The following CSMD1 variants were observed in gnomAD, a reference collection of about 807,000 sequenced individuals.
The protein encoded by CSMD1 is CUB and Sushi multiple domains 1, also known as CUB and sushi domain-containing protein 1.
In CSMD1, 213 loss-of-function variants were observed where a neutral mutation model predicts 417.5. The observed-to-expected ratio is 0.51, with a 90% CI of 0.46 to 0.57. The LOEUF (loss-of-function observed/expected upper bound fraction) is 0.57, where lower values mean the gene tolerates loss of function less well. Ranked by LOEUF, CSMD1 falls within the 20% of genes least tolerant of loss-of-function variation. The probability of loss-of-function intolerance (pLI) is 0.00; values close to 1 mark genes in which losing one functional copy is unlikely to be tolerated. For missense variants in CSMD1, 6,923 were observed against 4,529.7 expected, an observed-to-expected ratio of 1.53 and a Z score of -15.17; for synonymous variants, 2,862 against 1,736.8, an observed-to-expected ratio of 1.65 and a Z score of -16.11.
At chr8:3,508,012 T>C (rs569594661) in intron 10 of CSMD1, among the ~76,000 whole-genome samples, 1 of 152,336 alleles carries the variant, frequency 6.6e-6, no homozygotes, top group African/African-American at 2.4e-5. Flanking sequence ...TTGAGTTTTA[T>C]TAGATCCCAT....
At chr8:3,121,270 A>AT (rs943111250) in intron 41 of CSMD1, among the ~76,000 whole-genome samples, 89 of 152,304 alleles carry the variant, frequency 5.8e-4, no homozygotes, top group African/African-American at 2.1e-3. Flanking sequence ...GTTAAAAAAA[A>AT]TCCTTTATTT....
intron 1 of CSMD1, among the ~76,000 whole-genome samples, chr8:4,842,282 T>C (rs1042033370): frequency 3.9e-5 from 6 of 152,238 alleles, no homozygotes; most frequent in African/African-American, 1.2e-4. Context: ...TCCAGATGCA[T>C]TGAATTTTGG....
intron 3 of CSMD1, among the ~76,000 whole-genome samples, chr8:4,063,969 AGAGT>A (rs762591272): frequency 2.0e-5 from 3 of 152,148 alleles, no homozygotes; most frequent in Non-Finnish European, 4.4e-5. Context: ...AAACAAAAAG[AGAGT>A]GTGTGTTGGG....
intron 41 of CSMD1, among the ~76,000 whole-genome samples, chr8:3,136,727 G>T (rs1192012804): frequency 6.6e-6 from 1 of 152,106 alleles, no homozygotes; most frequent in Non-Finnish European, 1.5e-5. Flanking sequence ...GTAATCCTTG[G>T]GGTCATGTTT....
At chr8:4,933,239 A>T (rs1807371071) in intron 1 of CSMD1, among the ~76,000 whole-genome samples, 1 of 151,904 alleles carries the variant, frequency 6.6e-6, no homozygotes, top group African/African-American at 2.4e-5. Flanking sequence ...ACTAAGTATG[A>T]TATGACGGCA....
At chr8:3,658,641 G>C (rs1344936604) in intron 7 of CSMD1, among the ~76,000 whole-genome samples, 4 of 151,836 alleles carry the variant, frequency 2.6e-5, no homozygotes, top group Non-Finnish European at 4.4e-5. Context: ...AAATCAGTTG[G>C]GCGTGGTGGT....
intron 4 of CSMD1, among the ~76,000 whole-genome samples, chr8:4,030,217 G>A (rs369013692): frequency 1.3e-5 from 2 of 152,078 alleles, no homozygotes; most frequent in Admixed American, 6.5e-5. Context: ...CGGTGCCCCA[G>A]TAGGGACTCT....
chr8:4,327,582 T>C (rs1477390835), intron 3 of CSMD1, among the ~76,000 whole-genome samples: 4 of 152,030 alleles, frequency 2.6e-5, no homozygotes, highest in South Asian at 4.2e-4. Context: ...CTGTCACTCA[T>C]ACTACAAAGA....
At chr8:3,907,575 G>A (rs1453389185) in intron 5 of CSMD1, among the ~76,000 whole-genome samples, 2 of 152,136 alleles carry the variant, frequency 1.3e-5, no homozygotes, top group East Asian at 3.9e-4. Flanking sequence ...AGTTACCAGT[G>A]GTTGTGCCAG....
At chr8:3,762,085 G>C (rs990558375) in intron 5 of CSMD1, among the ~76,000 whole-genome samples, 1 of 151,978 alleles carries the variant, frequency 6.6e-6, no homozygotes, top group Admixed American at 6.6e-5. Context: ...CTAGTCTCCT[G>C]AGCCCTCCCA....
At chr8:4,309,533 C>G (rs1210714266) in intron 3 of CSMD1, among the ~76,000 whole-genome samples, 1 of 152,000 alleles carries the variant, frequency 6.6e-6, no homozygotes, top group Non-Finnish European at 1.5e-5. Context: ...GTAACACAGA[C>G]AAAGTATAAA....
At chr8:3,231,296 G>T (rs1186605430) in intron 26 of CSMD1, among the ~76,000 whole-genome samples, 2 of 151,972 alleles carry the variant, frequency 1.3e-5, no homozygotes, top group African/African-American at 2.4e-5. Context: ...CACTGCATAA[G>T]AGATGACAAT....
intron 3 of CSMD1, among the ~76,000 whole-genome samples, chr8:4,209,127 C>T (rs1173663056): frequency 6.6e-6 from 1 of 152,186 alleles, no homozygotes; most frequent in African/African-American, 2.4e-5. Flanking sequence ...AACACATCTT[C>T]ATGATTTCTA....
intron 3 of CSMD1, among the ~76,000 whole-genome samples, chr8:4,157,327 G>A (rs190250832): frequency 6.6e-6 from 1 of 152,200 alleles, no homozygotes; most frequent in Admixed American, 6.5e-5. Flanking sequence ...CTCAGGGTGG[G>A]CAGAGCCCAA....
intron 5 of CSMD1, among the ~76,000 whole-genome samples, chr8:3,898,775 A>G (rs895777947): frequency 6.6e-6 from 1 of 152,144 alleles, no homozygotes; most frequent in African/African-American, 2.4e-5. Flanking sequence ...TTTGAGGAAG[A>G]CCTTCTCTAA....
intron 29 of CSMD1, among the ~76,000 whole-genome samples, chr8:3,217,589 A>G (rs558037349): frequency 9.8e-5 from 15 of 152,334 alleles, no homozygotes; most frequent in African/African-American, 3.6e-4. Flanking sequence ...AATGCATTTT[A>G]GTGAATTCTT....
chr8:4,857,093 G>A (rs963812773), intron 1 of CSMD1, among the ~76,000 whole-genome samples: 5 of 149,404 alleles, frequency 3.3e-5, no homozygotes, highest in Non-Finnish European at 7.4e-5. Flanking sequence ...AATCAAACTA[G>A]AATTCAGGAT....
At chr8:3,712,400 G>GAA (rs1563299944) in intron 6 of CSMD1, among the ~76,000 whole-genome samples, 2 of 94,298 alleles carry the variant, frequency 2.1e-5, no homozygotes, top group Non-Finnish European at 5.0e-5. Context: ...GAGAGAGAGA[G>GAA]ACAGACAGAC....
chr8:3,270,699 TTAAAC>T (rs1801781174), intron 26 of CSMD1, among the ~76,000 whole-genome samples: 1 of 152,178 alleles, frequency 6.6e-6, no homozygotes, highest in South Asian at 2.1e-4. Flanking sequence ...ACCATTTACT[TTAAAC>T]TATTTATCAA....
Sources: allele counts gnomAD v4.1 joint callset (sites outside exome capture counted in the v4.1 genomes callset), GRCh38; gene constraint gnomAD v4.1.1; transcripts MANE v1.5; gene names NCBI Gene and HGNC (gene_info 2026-07-23, HGNC 2026-07-21).